The following EFNA5 variants were observed in gnomAD, a reference collection of about 807,000 sequenced individuals.
EFNA5 encodes ephrin-A5.
EFNA5 carries 5 observed loss-of-function variants against 22.9 expected under a neutral mutation model. The observed-to-expected ratio is 0.22, with a 90% CI of 0.11 to 0.46. The LOEUF is 0.46. Ranked by LOEUF, EFNA5 falls within the 20% of genes least tolerant of loss-of-function variation. The pLI is 0.99. For missense variants in EFNA5, 237 were observed against 293.3 expected, an observed-to-expected ratio of 0.81 and a Z score of 1.40; for synonymous variants, 113 against 112.2, an observed-to-expected ratio of 1.01 and a Z score of -0.04.
chr5:107,573,436 TCTTTA>T (rs1748858600), intron 1 of EFNA5, among the ~76,000 whole-genome samples: 4 of 152,014 alleles, frequency 2.6e-5, no homozygotes, highest in Admixed American at 1.3e-4. Context: ...TCTCAGTGCT[TCTTTA>T]CTTAATCCTG....
intron 1 of EFNA5, among the ~76,000 whole-genome samples, chr5:107,544,121 G>A (rs1170370882): frequency 2.0e-5 from 3 of 152,124 alleles, no homozygotes; most frequent in East Asian, 1.9e-4. Context: ...CGCCCCTGGT[G>A]GGAGGGAGAT....
At chr5:107,639,626 A>G (rs1449776409) in intron 1 of EFNA5, among the ~76,000 whole-genome samples, 1 of 152,244 alleles carries the variant, frequency 6.6e-6, no homozygotes, top group African/African-American at 2.4e-5. Context: ...TTAAGTGCCC[A>G]GCACAGGGCT....
chr5:107,502,537 G>C (rs868248015), intron 1 of EFNA5, among the ~76,000 whole-genome samples: 17 of 152,184 alleles, frequency 1.1e-4, no homozygotes, highest in African/African-American at 3.9e-4. Flanking sequence ...GCTGTATCTT[G>C]TTGTTTCATC....
At chr5:107,669,137 A>C (rs1054330478) in intron 1 of EFNA5, among the ~76,000 whole-genome samples, 2 of 151,956 alleles carry the variant, frequency 1.3e-5, no homozygotes, top group Non-Finnish European at 2.9e-5. Context: ...TCAAGCAGGG[A>C]ATCCCTCTCT....
rs70996962 is a variant in EFNA5 at position 107,569,559 on chromosome 5, TTATA to T, written c.125+100926_125+100929del. Among the ~76,000 whole-genome samples, 347 of 42,456 alleles carry T rather than the reference TTATA, an allele frequency of 8.2e-3. 1 individual carries two copies. The highest frequency in any genetic ancestry group is 0.016 in the Middle Eastern group (1 of 62). 27.9% of individuals were successfully genotyped at this position (42,456 alleles called of 152,430 possible). A position where few individuals can be genotyped will look rare whatever the true frequency, so the allele number is the denominator to read the frequency against. On this transcript the variant is annotated intron_variant, in intron 1 of 4. Transcript: ENST00000333274. ...TATATATATGTGTGTATATATATAT[TTATA>T]TATATATATATATATATATATATAT...
At chr5:107,388,141 C>G (rs1444497779) in intron 2 of EFNA5, among the ~76,000 whole-genome samples, 3 of 152,190 alleles carry the variant, frequency 2.0e-5, no homozygotes, top group Non-Finnish European at 4.4e-5. Context: ...AGCCGCTCCT[C>G]CTCTGCTGCA....
chr5:107,417,758 A>C (rs1381353198), intron 2 of EFNA5, among the ~76,000 whole-genome samples: 1 of 152,188 alleles, frequency 6.6e-6, no homozygotes, highest in African/African-American at 2.4e-5. Context: ...AAATTTCTAC[A>C]TATCTCTGGC....
intron 1 of EFNA5, among the ~76,000 whole-genome samples, chr5:107,498,124 C>T (rs891840086): frequency 6.6e-6 from 1 of 152,166 alleles, no homozygotes; most frequent in East Asian, 1.9e-4. Context: ...CCATGTTGGC[C>T]AGGCTGGCCT....
rs1214960235 is a variant in EFNA5, at chr5:107,442,624, C to T, written c.126-15115G>A. 3.3e-5 allele frequency among the ~76,000 whole-genome samples: 5 copies of T among 152,174 alleles called. No individual in the cohort carries two copies. The East Asian group carries it at 9.6e-4, about 29-fold the overall frequency. ...CAAACTGTTTCCCTGCATTATATTG[C>T]TATTGTTCAATATCATTTTATTGCC... On this transcript the variant is annotated intron_variant, in intron 1 of 4. Transcript: ENST00000333274.
rs1554070627 is a variant in EFNA5 at position 107,637,512 on chromosome 5, G to GTGTC, written c.125+32976_125+32977insGACA. Among the ~76,000 whole-genome samples, 1,116 of 150,852 alleles carry GTGTC rather than the reference G, an allele frequency of 7.4e-3. 20 individuals carry two copies. The highest frequency in any genetic ancestry group is 0.023 in the African/African-American group (959 of 41,008). On this transcript the variant is annotated intron_variant, in intron 1 of 4. Coordinates refer to ENST00000333274, the MANE Select transcript of EFNA5 (RefSeq NM_001962.3). ...AGCAAGGCACTGTGTGTGTGTGTGT[G>GTGTC]TGTGTCTGTGTGTGTGTGTGTGTGT...
intron 2 of EFNA5, among the ~76,000 whole-genome samples, chr5:107,423,962 AAG>A (rs1177887923): frequency 6.6e-6 from 1 of 152,186 alleles, no homozygotes; most frequent in African/African-American, 2.4e-5. Flanking sequence ...CAAAGACATT[AAG>A]AAAAAAAGAA....
chr5:107,670,472 G>C lies in EFNA5; in HGVS notation c.125+17C>G. The C allele has an allele frequency of 6.4e-7, 1 of 1,552,214 alleles. No individual in the cohort carries two copies. Among genetic ancestry groups the C allele is most frequent in the Non-Finnish European group, 8.7e-7 (1 of 1,147,404 alleles). ...GAGGCCCGGGTAGCCCTGGCTCTCC[G>C]CCTGTTATCGGCTTACCTGGGGTTG... is the stretch of plus-strand genomic sequence containing the variant. On this transcript the variant is annotated intron_variant, in intron 1 of 4. Coordinates refer to ENST00000333274, the MANE Select transcript of EFNA5 (RefSeq NM_001962.3).
At position 107,617,448 on chromosome 5, in the gene EFNA5, T is replaced by A. The variant is rs149554200; in HGVS notation, c.125+53041A>T. Among the ~76,000 whole-genome samples the A allele has an allele frequency of 3.9e-3, 592 of 152,292 alleles. 8 individuals carry two copies. Among genetic ancestry groups the A allele is most frequent in the African/African-American group, 0.014 (572 of 41,566 alleles). On this transcript the variant is annotated intron_variant, in intron 1 of 4. Coordinates refer to ENST00000333274, the MANE Select transcript of EFNA5 (RefSeq NM_001962.3). ...AGATTTCTGCCTGTTTTGGGGAAGT[T>A]TGCTTTCTAATCAGAGAAGCAGGTA... is the stretch of plus-strand genomic sequence containing the variant.
At chr5:107,610,886 A>C (rs1749810012) in intron 1 of EFNA5, among the ~76,000 whole-genome samples, 4 of 152,144 alleles carry the variant, frequency 2.6e-5, no homozygotes, top group Admixed American at 2.6e-4. Flanking sequence ...GCAAGCAGAG[A>C]ATTTTCTAGC....
intron 2 of EFNA5, among the ~76,000 whole-genome samples, chr5:107,393,553 C>T (rs1747839956): frequency 1.3e-5 from 2 of 152,244 alleles, no homozygotes; most frequent in Admixed American, 6.5e-5. Flanking sequence ...AATATTCAGC[C>T]GCTTTCTTCT....
At chr5:107,609,831 G>C (rs1430812545) in intron 1 of EFNA5, among the ~76,000 whole-genome samples, 1 of 152,158 alleles carries the variant, frequency 6.6e-6, no homozygotes, top group Non-Finnish European at 1.5e-5. Context: ...TAAGATGACT[G>C]AATGGTGCCT....
At chr5:107,621,436 A>G (rs1324005705) in intron 1 of EFNA5, among the ~76,000 whole-genome samples, 2 of 152,198 alleles carry the variant, frequency 1.3e-5, no homozygotes, top group Non-Finnish European at 2.9e-5. Flanking sequence ...GAGACTTTCA[A>G]TTTTAGTCTC....
intron 1 of EFNA5, among the ~76,000 whole-genome samples, chr5:107,663,438 T>C (rs1751006617): frequency 6.6e-6 from 1 of 152,142 alleles, no homozygotes; most frequent in Non-Finnish European, 1.5e-5. Context: ...AACATGATTG[T>C]CCAAGGCATA....
chr5:107,570,779 T>C (rs759695980), intron 1 of EFNA5, among the ~76,000 whole-genome samples: 6 of 152,150 alleles, frequency 3.9e-5, no homozygotes, highest in South Asian at 2.1e-4. Flanking sequence ...AACAGACCAA[T>C]TGATGTGAGC....
Sources: allele counts gnomAD v4.1 joint callset (sites outside exome capture counted in the v4.1 genomes callset), GRCh38; gene constraint gnomAD v4.1.1; transcripts MANE v1.5; gene names NCBI Gene and HGNC (gene_info 2026-07-23, HGNC 2026-07-21).